COL8A2: variants seen among roughly 807,000 people sequenced by gnomAD.
COL8A2 encodes the protein collagen alpha-2(VIII) chain.
Under a neutral mutation model 24.0 loss-of-function variants are expected in COL8A2, and 16 were observed. The observed-to-expected ratio is 0.67, with a 90% CI of 0.45 to 1.01. The LOEUF is 1.01. Ranked by LOEUF, COL8A2 falls within the 50% of genes least tolerant of loss-of-function variation. The pLI is 0.00. For missense variants in COL8A2, 818 were observed against 942.4 expected, an observed-to-expected ratio of 0.87 and a Z score of 1.73; for synonymous variants, 466 against 424.5, an observed-to-expected ratio of 1.10 and a Z score of -1.20.
intron 2 of COL8A2, among the ~76,000 whole-genome samples, chr1:36,112,853 C>T (rs1215860330): frequency 6.6e-6 from 1 of 152,196 alleles, no homozygotes; most frequent in African/African-American, 2.4e-5. Flanking sequence ...ACATCTGCCT[C>T]TCTAGCGAGC....
chr1:36,098,269 G>C lies in COL8A2; in HGVS notation c.1412C>G (p.Ala471Gly). 6.5e-7 allele frequency: 1 copy of C among 1,546,590 alleles called. No individual in the cohort carries two copies. Among genetic ancestry groups the C allele is most frequent in the Non-Finnish European group, 8.7e-7 (1 of 1,145,770 alleles). ...PSGIPGLQGP[A>G]GPIGPQGLPG... is the part of the protein sequence containing the mutation. ...CAGGCCTTGGGGCCCAATAGGGCCA[G>C]CTGGACCCTGGAGTCCTGGGATTCC... is the stretch of plus-strand genomic sequence containing the variant. The change falls in exon 4 of 4, where the codon GCT (alanine) becomes GGT (glycine). Residue 471 changes from alanine (A) to glycine (G), a missense_variant. Transcript: ENST00000397799.
intron 3 of COL8A2, 82 bp downstream of exon 3, chr1:36,099,968 G>T: frequency 7.4e-7 from 1 of 1,359,578 alleles, no homozygotes; most frequent in Non-Finnish European, 1.1e-6. Flanking sequence ...GAGGGCGCCT[G>T]AGGATCTGAT....
chr1:36,118,810 T>C lies in COL8A2; in HGVS notation c.-61-3058A>G, dbSNP rs932882002. ...GGCCATGAGGTGAACAATTGGCTCC[T>C]GCCAGAGATGGGGCTCATGGGAAAA... On this transcript the variant is annotated intron_variant, in intron 1 of 3. Coordinates refer to ENST00000397799, the MANE Select transcript of COL8A2 (RefSeq NM_005202.4). Among the ~76,000 whole-genome samples the C allele has an allele frequency of 2.0e-5, 3 of 152,214 alleles. No individual in the cohort carries two copies. In the East Asian group the frequency reaches 5.8e-4, roughly 29 times the overall value.
At position 36,098,119 on chromosome 1, in the gene COL8A2, G is replaced by A. The variant is rs757928933; in HGVS notation, c.1562C>T (p.Pro521Leu). 9.3e-6 allele frequency: 14 copies of A among 1,499,266 alleles called. No individual in the cohort carries two copies. The highest frequency in any genetic ancestry group is 5.2e-5 in the South Asian group (4 of 76,524). The allele number at this position is 1,499,266 out of a possible 1,614,324, so 92.9% of individuals were successfully genotyped here. Reference sequence around the variant, plus strand: ...GGGTCCCGGGGGCCCGGGAGGCCCCGGAGGGCCCGTGATTCCAGGGGAGCC... The same window carrying A: ...GGGTCCCGGGGGCCCGGGAGGCCCCAGAGGGCCCGTGATTCCAGGGGAGCC... ...VPGSPGITGP[P>L]GPPGPPGPPG... Residue 521 changes from proline to leucine, a missense_variant, in exon 4 of 4, where the codon CCG becomes CTG. Transcript: ENST00000397799.
chr1:36,120,747 C>CA (rs34157391), intron 1 of COL8A2, among the ~76,000 whole-genome samples: 7,094 of 98,112 alleles, frequency 0.072, 268 homozygotes, highest in South Asian at 0.21. Flanking sequence ...GACTCCGTCT[C>CA]AAAAAAAAAA....
At chr1:36,106,536 G>A (rs1361083491) in intron 2 of COL8A2, among the ~76,000 whole-genome samples, 1 of 152,130 alleles carries the variant, frequency 6.6e-6, no homozygotes, top group African/African-American at 2.4e-5. Flanking sequence ...AGAGTGTGTG[G>A]CAGGAAGCCG....
At chr1:36,112,862 G>A (rs1432608837) in intron 2 of COL8A2, among the ~76,000 whole-genome samples, 2 of 152,166 alleles carry the variant, frequency 1.3e-5, no homozygotes, top group East Asian at 1.9e-4. Flanking sequence ...TCTCTAGCGA[G>A]CTCCCAGAGG....
intron 3 of COL8A2, among the ~76,000 whole-genome samples, chr1:36,099,838 C>G (rs1570029968): frequency 1.3e-5 from 2 of 152,206 alleles, no homozygotes; most frequent in South Asian, 4.1e-4. Context: ...CTCCCAACTT[C>G]CCAGTTCATC....
At chr1:36,119,872 C>T (rs1643897771) in intron 1 of COL8A2, among the ~76,000 whole-genome samples, 1 of 152,152 alleles carries the variant, frequency 6.6e-6, no homozygotes. Context: ...GGCAGGCTGG[C>T]ACTGCTGGCC....
In COL8A2 at chr1:36,095,654, C is replaced by T. The variant is rs1409150401; in HGVS notation, c.*1915G>A. The T allele has an allele frequency of 3.3e-5, 5 of 152,126 alleles. No homozygotes were observed. The highest frequency in any genetic ancestry group is 4.1e-4 in the South Asian group (2 of 4,828). 9.4% of individuals were successfully genotyped at this position (152,126 alleles called of 1,614,324 possible). ...AAGCTCAGCTCTGTGAAATAGCTCC[C>T]GTTTTTTTTCTTGGGACCCTACTTA... On this transcript the variant is annotated 3_prime_UTR_variant, in exon 4 of 4. Transcript: ENST00000397799.
In COL8A2 at chr1:36,096,900, A is replaced by G. The variant is rs1287195855; in HGVS notation, c.*669T>C. Reference sequence around the variant, plus strand: ...CCTCCTGCCCCAGGTCTGTGCCCCAAGCCCTCACAAACTGCCTTCCCCATG... The same window carrying G: ...CCTCCTGCCCCAGGTCTGTGCCCCAGGCCCTCACAAACTGCCTTCCCCATG... On this transcript the variant is annotated 3_prime_UTR_variant, in exon 4 of 4. Transcript: ENST00000397799. 2 of 153,082 alleles carry G rather than the reference A, an allele frequency of 1.3e-5. No homozygotes were observed. Among genetic ancestry groups the G allele is most frequent in the African/African-American group, 4.8e-5 (2 of 41,464 alleles). The allele number at this position is 153,082 out of a possible 1,614,324, so 9.5% of individuals were successfully genotyped here. A position where few individuals can be genotyped will look rare whatever the true frequency, so the allele number is the denominator to read the frequency against.
chr1:36,114,216 G>A (rs1643868555), intron 2 of COL8A2, among the ~76,000 whole-genome samples: 1 of 151,784 alleles, frequency 6.6e-6, no homozygotes. Context: ...CTACTCGGGA[G>A]GCTGAGGAAG....
intron 2 of COL8A2, among the ~76,000 whole-genome samples, chr1:36,102,247 T>C (rs1199074323): frequency 6.6e-6 from 1 of 152,188 alleles, no homozygotes; most frequent in African/African-American, 2.4e-5. Context: ...AAGTGAGATA[T>C]GGAATGTACA....
In COL8A2 at chr1:36,100,069, C is replaced by T; in HGVS notation, c.174G>A (p.Glu58=). ...TCTCACCCAGGTACTGGCCTTTGCC[C>T]TCACGGAAGGGCGGTCCCACAGGTC... is the stretch of plus-strand genomic sequence containing the variant. ...QKGPVGPPFR[E]GKGQYLEMPL... Residue 58 remains glutamate (E), a synonymous_variant, in exon 3 of 4, where the codon GAG becomes GAA. Transcript: ENST00000397799. The T allele has an allele frequency of 1.2e-6, 2 of 1,611,792 alleles. No homozygotes were observed. Among genetic ancestry groups the T allele is most frequent in the Non-Finnish European group, 1.7e-6 (2 of 1,178,260 alleles).
intron 2 of COL8A2, among the ~76,000 whole-genome samples, chr1:36,111,338 TCTC>T (rs1290042417): frequency 1.3e-5 from 2 of 152,062 alleles, no homozygotes; most frequent in Non-Finnish European, 1.5e-5. Flanking sequence ...ACTCTGCTCT[TCTC>T]CTTCTTTGAA....
chr1:36,108,968 T>A (rs1483212200), intron 2 of COL8A2, among the ~76,000 whole-genome samples: 1 of 151,870 alleles, frequency 6.6e-6, no homozygotes, highest in African/African-American at 2.4e-5. Context: ...GAGGTCTCAA[T>A]AAAAAAGGGG....
In COL8A2 at chr1:36,109,839, G is replaced by A. The variant is rs929730352; in HGVS notation, c.-17+5869C>T. On this transcript the variant is annotated intron_variant, in intron 2 of 3. Coordinates refer to ENST00000397799, the MANE Select transcript of COL8A2 (RefSeq NM_005202.4). ...TCTCAATCTCTTGACCTTGTGATCC[G>A]CCTGCCTTGGCTTCCCAAACTGTTG... Among the ~76,000 whole-genome samples, 11 of 151,780 alleles carry A rather than the reference G, an allele frequency of 7.2e-5. No homozygotes were observed. The South Asian group carries it at 1.7e-3, about 23-fold the overall frequency.
In COL8A2 at chr1:36,099,341, C is replaced by G; in HGVS notation, c.340G>C (p.Ala114Pro). 1 of 1,580,926 alleles carries G rather than the reference C, an allele frequency of 6.3e-7. No individual in the cohort carries two copies. The highest frequency in any genetic ancestry group is 8.6e-7 in the Non-Finnish European group (1 of 1,166,190). Residue 114 changes from alanine to proline, a missense_variant, in exon 4 of 4, where the codon GCT (alanine) becomes CCT (proline). Ala to Pro is a conservative substitution (Grantham distance 27). This residue lies in a region of COL8A2 where 573 missense variants were observed against 616.8 expected (regional missense o/e 0.93). Transcript: ENST00000397799. ...ATCCGGGAGAAGCCAGGGGGCCCAG[C>G]AGGGCCAGGCTGCCCATGGAGTCCT... is the stretch of plus-strand genomic sequence containing the variant. ...KPGLHGQPGP[A>P]GPPGFSRMGK...
At chr1:36,105,542 C>T (rs1444544016) in intron 2 of COL8A2, among the ~76,000 whole-genome samples, 1 of 152,230 alleles carries the variant, frequency 6.6e-6, no homozygotes, top group South Asian at 2.1e-4. Context: ...GGCCACGTTA[C>T]GCAGGCCTGA....
Sources: allele counts gnomAD v4.1 joint callset (sites outside exome capture counted in the v4.1 genomes callset), GRCh38; gene constraint gnomAD v4.1.1; regional missense constraint gnomAD v4.1.1; transcripts MANE v1.5; gene names NCBI Gene and HGNC (gene_info 2026-07-23, HGNC 2026-07-21).